Variants in VIT observed in about 807,000 individuals in gnomAD.
VIT encodes vitrin.
Under a neutral mutation model 78.0 loss-of-function variants are expected in VIT, and 99 were observed. The ratio of observed to expected loss-of-function variants is 1.27; its 90% CI spans 1.08 to 1.50. The LOEUF is 1.50. VIT is among the 40% of genes most tolerant of loss of function. The pLI is 0.00. For synonymous variants in VIT, 374 were observed against 334.3 expected, an observed-to-expected ratio of 1.12 and a Z score of -1.29; for missense variants, 1,126 against 875.3, an observed-to-expected ratio of 1.29 and a Z score of -3.61.
intron 3 of VIT, among the ~76,000 whole-genome samples, chr2:36,740,300 T>C (rs1667760858): frequency 6.6e-6 from 1 of 152,208 alleles, no homozygotes; most frequent in Non-Finnish European, 1.5e-5. Context: ...GAAGATTCTT[T>C]GGCTGTTACA....
intron 11 of VIT, among the ~76,000 whole-genome samples, chr2:36,785,634 G>A (rs984200947): frequency 1.3e-5 from 2 of 152,168 alleles, no homozygotes; most frequent in Non-Finnish European, 2.9e-5. Flanking sequence ...GAATTGGTAG[G>A]CACTGAACGC....
intron 6 of VIT, among the ~76,000 whole-genome samples, chr2:36,763,336 C>T (rs548719399): frequency 6.6e-6 from 1 of 152,166 alleles, no homozygotes; most frequent in African/African-American, 2.4e-5. Context: ...CGACCACACC[C>T]AAATGAGGAA....
intron 15 of VIT, among the ~76,000 whole-genome samples, chr2:36,809,716 TGTACTG>T (rs1315763975): frequency 1.3e-5 from 2 of 152,240 alleles, no homozygotes; most frequent in Non-Finnish European, 2.9e-5. Context: ...TGCCTAGCCA[TGTACTG>T]GTACCTTTTA....
At chr2:36,722,068 AG>A (rs1489197121) in intron 2 of VIT, among the ~76,000 whole-genome samples, 4 of 152,216 alleles carry the variant, frequency 2.6e-5, no homozygotes, top group African/African-American at 9.6e-5. Context: ...AAGGTATCGG[AG>A]CCATCCAAGG....
chr2:36,726,188 T>C (rs1261917999), intron 2 of VIT, among the ~76,000 whole-genome samples: 1 of 152,166 alleles, frequency 6.6e-6, no homozygotes, highest in East Asian at 1.9e-4. Context: ...AATGGATCGA[T>C]GCAAAGATTA....
At chr2:36,813,036 CAAAAAAAA>C (rs113165454) in intron 15 of VIT, among the ~76,000 whole-genome samples, 14 of 125,128 alleles carry the variant, frequency 1.1e-4, no homozygotes, top group African/African-American at 4.5e-4. Context: ...TAATTTTTTG[CAAAAAAAA>C]AAAAAAAAAA....
At chr2:36,757,331 C>T (rs57221455) in intron 5 of VIT, among the ~76,000 whole-genome samples, 13 of 152,286 alleles carry the variant, frequency 8.5e-5, no homozygotes, top group South Asian at 6.2e-4. Context: ...TGTACGTTTA[C>T]GGCCCGCATG....
chr2:36,738,186 G>A (rs909621988), intron 3 of VIT, among the ~76,000 whole-genome samples: 10 of 152,122 alleles, frequency 6.6e-5, no homozygotes, highest in Admixed American at 1.3e-4. Flanking sequence ...CAATCTTCAA[G>A]TTCAGAAAAG....
intron 4 of VIT, among the ~76,000 whole-genome samples, chr2:36,750,599 T>A (rs1192066515): frequency 1.3e-5 from 2 of 151,398 alleles, no homozygotes; most frequent in Non-Finnish European, 2.9e-5. Context: ...AAGATGGGCG[T>A]ATCACGAGGT....
chr2:36,751,720 A>G (rs965633315), intron 4 of VIT, among the ~76,000 whole-genome samples: 10 of 152,286 alleles, frequency 6.6e-5, no homozygotes, highest in Admixed American at 6.5e-4. Context: ...AGAAGAGAAG[A>G]GCTTGATTCG....
intron 1 of VIT, among the ~76,000 whole-genome samples, chr2:36,704,474 A>G (rs971920053): frequency 6.6e-6 from 1 of 152,192 alleles, no homozygotes; most frequent in Non-Finnish European, 1.5e-5. Flanking sequence ...CTATATATCC[A>G]GGCCAAAATA....
At chr2:36,725,790 C>T (rs565966611) in intron 2 of VIT, among the ~76,000 whole-genome samples, 4 of 152,058 alleles carry the variant, frequency 2.6e-5, no homozygotes, top group Non-Finnish European at 4.4e-5. Flanking sequence ...CAAACACACC[C>T]GCCGGGCACA....
intron 14 of VIT, 110 bp downstream of exon 14, chr2:36,805,774 C>A: frequency 8.2e-7 from 1 of 1,219,538 alleles, no homozygotes; most frequent in Non-Finnish European, 1.1e-6. Flanking sequence ...TGAAGCTCAT[C>A]TCTAGGCAGT....
chr2:36,737,881 C>A (rs1667602986), intron 3 of VIT, among the ~76,000 whole-genome samples: 1 of 152,192 alleles, frequency 6.6e-6, no homozygotes, highest in African/African-American at 2.4e-5. Context: ...TGGGCCCTTT[C>A]TCAGACCATG....
chr2:36,786,843 C>A (rs1665129605), intron 11 of VIT, among the ~76,000 whole-genome samples: 1 of 152,230 alleles, frequency 6.6e-6, no homozygotes, highest in Admixed American at 6.5e-5. Flanking sequence ...CATTGACAGC[C>A]TTCCCTAGCT....
chr2:36,700,950 T>C (rs1055683687), intron 1 of VIT, among the ~76,000 whole-genome samples: 6 of 152,080 alleles, frequency 3.9e-5, no homozygotes, highest in Non-Finnish European at 1.5e-5. Flanking sequence ...TAGTAAGGGA[T>C]GGAGCTCAGC....
chr2:36,804,496 G>A (rs1210757416), intron 13 of VIT, among the ~76,000 whole-genome samples: 1 of 152,200 alleles, frequency 6.6e-6, no homozygotes, highest in Non-Finnish European at 1.5e-5. Context: ...CTGGCTTAGG[G>A]GCTTAGTGTG....
At chr2:36,719,493 C>T (rs1666361347) in intron 2 of VIT, among the ~76,000 whole-genome samples, 1 of 152,042 alleles carries the variant, frequency 6.6e-6, no homozygotes, top group African/African-American at 2.4e-5. Flanking sequence ...TTATAGAATA[C>T]AAAATCAACA....
chr2:36,706,515 G>T (rs1410854546), intron 1 of VIT, among the ~76,000 whole-genome samples: 1 of 152,076 alleles, frequency 6.6e-6, no homozygotes, highest in Non-Finnish European at 1.5e-5. Flanking sequence ...TCCTCCCAGG[G>T]CCACACACTT....
Sources: gnomAD v4.1 joint callset for allele counts (sites outside exome capture counted in the v4.1 genomes callset) on GRCh38, gnomAD v4.1.1 for gene constraint, MANE v1.5 for transcripts, NCBI Gene and HGNC (gene_info 2026-07-23, HGNC 2026-07-21) for gene names.